Variants in FHIT observed in about 807,000 individuals in gnomAD.
The protein encoded by FHIT is fragile histidine triad diadenosine triphosphatase, also known as bis(5'-adenosyl)-triphosphatase.
FHIT carries 19 observed loss-of-function variants against 17.9 expected under a neutral mutation model. That is an observed-to-expected ratio of 1.06 (90% confidence interval 0.74 to 1.56). The LOEUF is 1.56. FHIT is among the 40% of genes most tolerant of loss of function. FHIT has a pLI of 0.00. For missense variants in FHIT, 248 were observed against 189.2 expected, an observed-to-expected ratio of 1.31 and a Z score of -1.82; for synonymous variants, 81 against 69.7, an observed-to-expected ratio of 1.16 and a Z score of -0.81.
At chr3:59,915,409 T>G (rs1705086179) in intron 8 of FHIT, among the ~76,000 whole-genome samples, 1 of 152,220 alleles carries the variant, frequency 6.6e-6, no homozygotes. Flanking sequence ...AGAGCAATTT[T>G]GGGAAACTAA....
chr3:60,331,304 G>A (rs1709962103), intron 5 of FHIT, among the ~76,000 whole-genome samples: 1 of 151,828 alleles, frequency 6.6e-6, no homozygotes, highest in African/African-American at 2.4e-5. Flanking sequence ...CTTTCCATGG[G>A]TGGATATAGG....
intron 4 of FHIT, among the ~76,000 whole-genome samples, chr3:60,659,418 G>T (rs2040189957): frequency 6.6e-6 from 1 of 151,332 alleles, no homozygotes; most frequent in Non-Finnish European, 1.5e-5. Context: ...GGGTATGTTG[G>T]TCTGCTTCAT....
At chr3:60,606,851 C>T (rs902347272) in intron 4 of FHIT, among the ~76,000 whole-genome samples, 1 of 152,078 alleles carries the variant, frequency 6.6e-6, no homozygotes, top group Non-Finnish European at 1.5e-5. Context: ...CCCTCCTGCC[C>T]GCATCTTGAT....
intron 5 of FHIT, among the ~76,000 whole-genome samples, chr3:60,252,429 T>C (rs1005248811): frequency 6.6e-6 from 1 of 152,026 alleles, no homozygotes; most frequent in Non-Finnish European, 1.5e-5. Context: ...CAGATCATAA[T>C]GGCAACTGCC....
intron 5 of FHIT, among the ~76,000 whole-genome samples, chr3:60,482,753 A>G (rs1310578779): frequency 1.3e-5 from 2 of 152,116 alleles, no homozygotes; most frequent in East Asian, 1.9e-4. Context: ...ACACCCTAAC[A>G]TCACAATTAA....
At chr3:59,965,473 A>T (rs987884971) in intron 7 of FHIT, among the ~76,000 whole-genome samples, 4 of 152,180 alleles carry the variant, frequency 2.6e-5, no homozygotes, top group Non-Finnish European at 4.4e-5. Flanking sequence ...AACTTGAATT[A>T]CTTAGTTTCT....
chr3:59,764,107 T>C (rs41464544), intron 8 of FHIT, among the ~76,000 whole-genome samples: 20,938 of 152,134 alleles, frequency 0.14, 1,685 homozygotes, highest in African/African-American at 0.19. Flanking sequence ...TGGGGCTCAA[T>C]GTTTGCTTAC....
At chr3:60,648,167 C>T (rs1424769599) in intron 4 of FHIT, among the ~76,000 whole-genome samples, 2 of 152,116 alleles carry the variant, frequency 1.3e-5, no homozygotes, top group Non-Finnish European at 2.9e-5. Flanking sequence ...AACAGGTTGA[C>T]GTCCACCTAG....
intron 3 of FHIT, among the ~76,000 whole-genome samples, chr3:60,878,881 G>A (rs1430419542): frequency 6.6e-6 from 1 of 152,114 alleles, no homozygotes; most frequent in African/African-American, 2.4e-5. Context: ...TCTTAATCCA[G>A]TCTATCATTG....
In FHIT at chr3:60,671,606, C is replaced by G. The variant is rs564356962; in HGVS notation, c.-17-134627G>C. On this transcript the variant is annotated intron_variant, in intron 4 of 9. Transcript: ENST00000492590. ...TGAAAAAAAAATCCCGCTCTTGATT[C>G]CTATATCTGAAAGTTCTTAAAGTTT... 1.7e-3 allele frequency among the ~76,000 whole-genome samples: 261 copies of G among 151,814 alleles called. 1 individual carries two copies. The highest frequency in any genetic ancestry group is 6.0e-3 in the African/African-American group (249 of 41,412).
intron 8 of FHIT, among the ~76,000 whole-genome samples, chr3:59,858,745 A>G (rs1053819963): frequency 2.6e-5 from 4 of 152,038 alleles, no homozygotes; most frequent in Non-Finnish European, 5.9e-5. Context: ...GTGAAGGCTA[A>G]TATTGAACAA....
chr3:60,999,975 T>C (rs977131990), intron 3 of FHIT, among the ~76,000 whole-genome samples: 5 of 152,098 alleles, frequency 3.3e-5, no homozygotes, highest in African/African-American at 1.2e-4. Flanking sequence ...CTCTTTTGTA[T>C]AGGCACTAAT....
At chr3:59,865,133 A>G (rs1448750895) in intron 8 of FHIT, among the ~76,000 whole-genome samples, 4 of 152,226 alleles carry the variant, frequency 2.6e-5, no homozygotes, top group Non-Finnish European at 5.9e-5. Flanking sequence ...TTAAAAAAAG[A>G]AAAAAATTAA....
At chr3:59,970,888 C>T (rs1016203270) in intron 7 of FHIT, among the ~76,000 whole-genome samples, 3 of 148,308 alleles carry the variant, frequency 2.0e-5, no homozygotes, top group South Asian at 4.4e-4. Flanking sequence ...AGGGTTTAAC[C>T]GGTGAACTAG....
intron 4 of FHIT, among the ~76,000 whole-genome samples, chr3:60,667,021 ATTTTT>A (rs56071877): frequency 2.9e-5 from 1 of 34,096 alleles, no homozygotes; most frequent in African/African-American, 1.0e-4. Context: ...TGCCTGGTTA[ATTTTT>A]TTTTTTTTTT....
chr3:60,712,111 C>T (rs2041551448), intron 4 of FHIT, among the ~76,000 whole-genome samples: 1 of 152,036 alleles, frequency 6.6e-6, no homozygotes, highest in Non-Finnish European at 1.5e-5. Flanking sequence ...AGACTGGGGG[C>T]CAATATTCAA....
intron 5 of FHIT, among the ~76,000 whole-genome samples, chr3:60,357,119 T>C (rs10510843): frequency 0.016 from 2,409 of 152,340 alleles, 57 homozygotes; most frequent in African/African-American, 0.055. Flanking sequence ...TAAAATATTA[T>C]GTAGGCATTC....
rs62268766 is a variant in FHIT at position 61,108,098 on chromosome 3, A to G, written c.-163-65999T>C. ...TGACATTTTATTGTGACTTGAATTT[A>G]TAGTCCCCTGATAATTAGGGATATT... On this transcript the variant is annotated intron_variant, in intron 2 of 9. Transcript: ENST00000492590. Among the ~76,000 whole-genome samples the G allele has an allele frequency of 4.8e-3, 730 of 152,342 alleles. 3 individuals are homozygous for G. Among genetic ancestry groups the G allele is most frequent in the Non-Finnish European group, 8.8e-3 (601 of 68,030 alleles).
chr3:61,218,259 A>G (rs1018152425), intron 1 of FHIT, among the ~76,000 whole-genome samples: 4 of 152,170 alleles, frequency 2.6e-5, no homozygotes, highest in African/African-American at 9.7e-5. Flanking sequence ...AATCCTACAT[A>G]AGAGAGAGAA....
Sources: allele counts gnomAD v4.1 joint callset (sites outside exome capture counted in the v4.1 genomes callset), GRCh38; gene constraint gnomAD v4.1.1; transcripts MANE v1.5; gene names NCBI Gene and HGNC (gene_info 2026-07-23, HGNC 2026-07-21).